The following STK39 variants were observed in gnomAD, a reference collection of about 807,000 sequenced individuals.
STK39 encodes the protein serine/threonine kinase 39.
A neutral mutation model predicts 77.8 loss-of-function variants in STK39; 20 were observed. The observed-to-expected ratio is 0.26, with a 90% CI of 0.18 to 0.37. The LOEUF (loss-of-function observed/expected upper bound fraction) is 0.37. Ranked by LOEUF, STK39 falls within the 10% of genes least tolerant of loss-of-function variation. The pLI is 1.00. For missense variants in STK39, 479 were observed against 656.5 expected (o/e 0.73, Z 2.95); for synonymous variants, 246 against 234.1 (o/e 1.05, Z -0.47).
At chr2:168,007,994 A>G (rs1003378069) in intron 16 of STK39, among the ~76,000 whole-genome samples, 2 of 152,176 alleles carry the variant, frequency 1.3e-5, no homozygotes, top group South Asian at 4.1e-4. Context: ...CTAATTCCAG[A>G]ACATTTTCAT....
intron 15 of STK39, among the ~76,000 whole-genome samples, chr2:168,015,162 C>T (rs916316751): frequency 6.6e-6 from 1 of 152,118 alleles, no homozygotes; most frequent in Admixed American, 6.5e-5. Flanking sequence ...GTTTAACATC[C>T]CTGGTGCCTA....
At chr2:168,175,932 C>G (rs1688946022) in intron 2 of STK39, among the ~76,000 whole-genome samples, 1 of 152,120 alleles carries the variant, frequency 6.6e-6, no homozygotes, top group African/African-American at 2.4e-5. Flanking sequence ...TGGTTGAAAC[C>G]TGAAATGCTC....
chr2:168,184,286 C>T (rs959454490), intron 1 of STK39, among the ~76,000 whole-genome samples: 5 of 152,192 alleles, frequency 3.3e-5, no homozygotes, highest in African/African-American at 4.8e-5. Context: ...TAAAGCTTTA[C>T]AGCTAGAGAA....
intron 12 of STK39, among the ~76,000 whole-genome samples, chr2:168,067,144 C>A (rs964822812): frequency 4.6e-5 from 7 of 152,156 alleles, no homozygotes; most frequent in Non-Finnish European, 8.8e-5. Flanking sequence ...ATCACTGGAA[C>A]CCAGAAGGCG....
At chr2:168,087,617 A>G in intron 10 of STK39, among the ~76,000 whole-genome samples, 2 of 152,320 alleles carry the variant, frequency 1.3e-5, no homozygotes, top group South Asian at 4.1e-4. Context: ...TGGGAATGTT[A>G]GGCTTGCCTA....
chr2:168,217,436 T>G (rs1276108048), intron 1 of STK39, among the ~76,000 whole-genome samples: 1 of 152,188 alleles, frequency 6.6e-6, no homozygotes, highest in Non-Finnish European at 1.5e-5. Context: ...AATATAGATC[T>G]GGAAAAATCA....
chr2:167,980,150 A>G (rs1683376213), intron 16 of STK39, among the ~76,000 whole-genome samples: 1 of 152,248 alleles, frequency 6.6e-6, no homozygotes, highest in Admixed American at 6.5e-5. Flanking sequence ...TAGTCTATGT[A>G]TAAGATCAGA....
At chr2:168,049,298 G>A (rs1422346588) in intron 14 of STK39, among the ~76,000 whole-genome samples, 2 of 152,188 alleles carry the variant, frequency 1.3e-5, no homozygotes, top group Non-Finnish European at 2.9e-5. Flanking sequence ...CGATTTCTGA[G>A]TGAACAAAAG....
intron 1 of STK39, among the ~76,000 whole-genome samples, chr2:168,230,347 A>G (rs1690422731): frequency 6.6e-6 from 1 of 152,062 alleles, no homozygotes; most frequent in East Asian, 1.9e-4. Context: ...TTCCACTCCC[A>G]CTATCTTAGA....
chr2:168,180,278 C>T (rs1689052793), intron 2 of STK39, among the ~76,000 whole-genome samples: 1 of 152,044 alleles, frequency 6.6e-6, no homozygotes, highest in Non-Finnish European at 1.5e-5. Flanking sequence ...ACCCAGGAGG[C>T]GGAGGTTGCA....
intron 15 of STK39, among the ~76,000 whole-genome samples, chr2:168,016,411 A>AAC (rs1559058086): frequency 1.3e-5 from 2 of 148,560 alleles, no homozygotes; most frequent in African/African-American, 2.6e-5. Flanking sequence ...AAAAAAAAAA[A>AAC]AACAACACTA....
rs1051201344 is a variant in STK39, at chr2:168,232,110, T to C, written c.208+15118A>G. On this transcript the variant is annotated intron_variant, in intron 1 of 17. Transcript: ENST00000355999. ...CTGGTAAGATCCACAGTTACACTCA[T>C]CACATCACCAGAGTGCAGGGACGCA... 41 of 251,664 alleles carry C rather than the reference T, an allele frequency of 1.6e-4. 1 individual carries two copies. In the South Asian group the frequency reaches 2.9e-3, roughly 18 times the overall value. The allele number at this position is 251,664 out of a possible 1,614,324, so 15.6% of individuals were successfully genotyped here.
chr2:168,163,684 A>G, intron 4 of STK39, 55 bp downstream of exon 4: 1 of 1,610,228 alleles, frequency 6.2e-7, no homozygotes, highest in South Asian at 1.1e-5. Flanking sequence ...TAAGCCTTCC[A>G]AAACCTCTTT....
intron 1 of STK39, among the ~76,000 whole-genome samples, chr2:168,240,381 C>T (rs1435207816): frequency 6.6e-6 from 1 of 152,208 alleles, no homozygotes; most frequent in African/African-American, 2.4e-5. Flanking sequence ...ATGCACACTA[C>T]AGCCAGAAAC....
chr2:168,047,350 T>C (rs1418649423), intron 14 of STK39, among the ~76,000 whole-genome samples: 1 of 152,242 alleles, frequency 6.6e-6, no homozygotes, highest in Non-Finnish European at 1.5e-5. Context: ...TTAAGTGCTT[T>C]AGAGGCCTAA....
chr2:168,102,131 CTT>C (rs35955276), intron 10 of STK39, among the ~76,000 whole-genome samples: 12 of 147,842 alleles, frequency 8.1e-5, no homozygotes, highest in Admixed American at 3.4e-4. Flanking sequence ...TTCATGTACA[CTT>C]TTTTTTTTTT....
rs113125334 is a variant in STK39 at position 167,968,179 on chromosome 2, C to T, written c.1499-3453G>A. On this transcript the variant is annotated intron_variant, in intron 16 of 17. Coordinates refer to ENST00000355999, the MANE Select transcript of STK39 (RefSeq NM_013233.3). ...TGTATATGTACCACATTTTCTTTACCCAATCCACTGTTGACAGGCACCTGG... is the reference window on the plus strand; with the variant it reads ...TGTATATGTACCACATTTTCTTTACTCAATCCACTGTTGACAGGCACCTGG... Among the ~76,000 whole-genome samples, 299 of 152,242 alleles carry T rather than the reference C, an allele frequency of 2.0e-3. 1 individual carries two copies. Among genetic ancestry groups the T allele is most frequent in the Non-Finnish European group, 3.0e-3 (202 of 68,022 alleles).
In STK39 at chr2:168,226,869, T is replaced by C. The variant is rs561820931; in HGVS notation, c.208+20359A>G. 5.3e-5 allele frequency among the ~76,000 whole-genome samples: 8 copies of C among 152,254 alleles called. 1 individual carries two copies. In the South Asian group the frequency reaches 1.7e-3, roughly 32 times the overall value. On this transcript the variant is annotated intron_variant, in intron 1 of 17. Transcript: ENST00000355999. ...ATTCTGGATATCTATCCCACAGAAA[T>C]AATAAAAACTTGGAAACAATCAATA...
At chr2:168,060,892 G>A (rs931253849) in intron 14 of STK39, among the ~76,000 whole-genome samples, 7 of 151,256 alleles carry the variant, frequency 4.6e-5, no homozygotes, top group Admixed American at 3.3e-4. Context: ...AAGACTCTTC[G>A]CCCTCAAACT....
Sources: allele counts gnomAD v4.1 joint callset (sites outside exome capture counted in the v4.1 genomes callset), GRCh38; gene constraint gnomAD v4.1.1; transcripts MANE v1.5; gene names NCBI Gene and HGNC (gene_info 2026-07-23, HGNC 2026-07-21).